ALX4: variants seen among roughly 807,000 people sequenced by gnomAD.
ALX4 encodes the protein homeobox protein aristaless-like 4.
Under a neutral mutation model 40.6 loss-of-function variants are expected in ALX4, and 22 were observed. That is an observed-to-expected ratio of 0.54 (90% CI 0.39 to 0.77). The LOEUF (loss-of-function observed/expected upper bound fraction) is 0.77. Among genes scored for constraint, ALX4 ranks in the 30% least tolerant of loss-of-function variants. ALX4 has a pLI of 0.00. For synonymous variants in ALX4, 266 were observed against 240.5 expected, an observed-to-expected ratio of 1.11 and a Z score of -0.98; for missense variants, 556 against 564.8, an observed-to-expected ratio of 0.98 and a Z score of 0.16.
intron 2 of ALX4, among the ~76,000 whole-genome samples, chr11:44,268,224 G>T (rs1478464878): frequency 1.3e-5 from 2 of 152,230 alleles, no homozygotes; most frequent in Non-Finnish European, 2.9e-5. Context: ...CTGGAGGAGG[G>T]ACAGGAGCTG....
At chr11:44,279,225 G>A (rs77473392) in intron 1 of ALX4, among the ~76,000 whole-genome samples, 2,110 of 152,252 alleles carry the variant, frequency 0.014, 47 homozygotes, top group African/African-American at 0.048. Flanking sequence ...TGTAGGTCTG[G>A]TTCACTGATT....
intron 1 of ALX4, 71 bp downstream of exon 1, chr11:44,309,526 C>T: frequency 6.6e-7 from 1 of 1,526,358 alleles, no homozygotes; most frequent in Admixed American, 2.0e-5. Flanking sequence ...CCGCAAGCCA[C>T]CAGTTTCAAG....
At chr11:44,272,748 G>C (rs959499167) in intron 2 of ALX4, among the ~76,000 whole-genome samples, 1 of 151,990 alleles carries the variant, frequency 6.6e-6, no homozygotes, top group Non-Finnish European at 1.5e-5. Context: ...GGTGGAGGCC[G>C]CAGTGAGCCA....
intron 1 of ALX4, among the ~76,000 whole-genome samples, chr11:44,306,723 G>A (rs962620095): frequency 3.9e-5 from 6 of 152,214 alleles, no homozygotes; most frequent in African/African-American, 1.4e-4. Context: ...TCTCACAACT[G>A]TGGGAGAGAA....
chr11:44,304,085 A>G (rs1263948619), intron 1 of ALX4, among the ~76,000 whole-genome samples: 1 of 151,822 alleles, frequency 6.6e-6, no homozygotes, highest in African/African-American at 2.4e-5. Context: ...GCTGCTTCTC[A>G]CCTGTCTAGT....
chr11:44,276,397 C>T (rs1482416210), intron 1 of ALX4, among the ~76,000 whole-genome samples: 1 of 152,256 alleles, frequency 6.6e-6, no homozygotes, highest in African/African-American at 2.4e-5. Flanking sequence ...TCATCCCCAG[C>T]ACGCTGACCC....
At chr11:44,306,042 AT>A (rs1956465601) in intron 1 of ALX4, among the ~76,000 whole-genome samples, 1 of 152,218 alleles carries the variant, frequency 6.6e-6, no homozygotes, top group East Asian at 1.9e-4. Context: ...CCAACCCGAC[AT>A]GTCTCCTGTG....
intron 1 of ALX4, among the ~76,000 whole-genome samples, chr11:44,305,326 C>G (rs2119907645): frequency 6.6e-6 from 1 of 152,306 alleles, no homozygotes; most frequent in African/African-American, 2.4e-5. Context: ...TATTTAACAA[C>G]TTTTGTGTTT....
At chr11:44,306,859 T>C (rs1218368021) in intron 1 of ALX4, among the ~76,000 whole-genome samples, 1 of 152,146 alleles carries the variant, frequency 6.6e-6, no homozygotes, top group African/African-American at 2.4e-5. Flanking sequence ...AGTTTCTCCA[T>C]CTTAGACCTA....
In ALX4 at chr11:44,263,214, C is replaced by G. The variant is rs564454698; in HGVS notation, c.*1640G>C. On this transcript the variant is annotated 3_prime_UTR_variant, in exon 4 of 4. Coordinates refer to ENST00000652299, the MANE Select transcript of ALX4 (RefSeq NM_021926.4). The stretch of plus-strand genomic sequence containing the variant: ...CCTGAGCATAGTGGGCCTGGCCCTA[C>G]TCCATGACAGGAATCAAGGGAGAAG... 1 of 152,306 alleles carries G rather than the reference C, an allele frequency of 6.6e-6. No homozygotes were observed. The highest frequency in any genetic ancestry group is 1.5e-5 in the Non-Finnish European group (1 of 68,104). 9.4% of individuals were successfully genotyped at this position (152,306 alleles called of 1,614,324 possible).
chr11:44,292,175 T>C (rs1352138684), intron 1 of ALX4, among the ~76,000 whole-genome samples: 1 of 152,124 alleles, frequency 6.6e-6, no homozygotes, highest in African/African-American at 2.4e-5. Context: ...AACAAGGCTT[T>C]TCTCCCCTTG....
Position 44,309,717 on chromosome 11 carries a change from G to A in ALX4, c.346C>T (p.Pro116Ser). Residue 116 changes from proline to serine, a missense_variant, in exon 1 of 4, where the codon CCG (proline) becomes TCG (serine). Transcript: ENST00000652299. ...QPQQQQPQPQ[P>S]PAQPHLYLQR... ...AAGTAAAGATGCGGTTGCGCGGGCG[G>A]CTGGGGCTGCGGCTGCTGCTGCTGC... 1 of 1,570,152 alleles carries A rather than the reference G, an allele frequency of 6.4e-7. No individual in the cohort carries two copies. The highest frequency in any genetic ancestry group is 8.6e-7 in the Non-Finnish European group (1 of 1,159,758).
intron 2 of ALX4, among the ~76,000 whole-genome samples, chr11:44,268,544 T>A (rs1956226538): frequency 1.3e-5 from 2 of 152,140 alleles, no homozygotes; most frequent in African/African-American, 4.8e-5. Context: ...AGGGGAGGTC[T>A]CTGAGTCAGC....
Position 44,265,108 on chromosome 11 carries a change from C to T in ALX4, c.982G>A (p.Val328Met), listed in dbSNP as rs1458389067. 6.2e-7 allele frequency: 1 copy of T among 1,612,352 alleles called. No homozygotes were observed. Among genetic ancestry groups the T allele is most frequent in the Non-Finnish European group, 8.5e-7 (1 of 1,179,614 alleles). ...VPACVVPCDP[V>M]PACMSPHAHP... Reference sequence around the variant, plus strand: ...GCATGAGGGGACATGCAGGCAGGCACCGGGTCGCAGGGGACCACGCAGGCT... The same window carrying T: ...GCATGAGGGGACATGCAGGCAGGCATCGGGTCGCAGGGGACCACGCAGGCT... Residue 328 changes from valine (V) to methionine (M), a missense_variant, in exon 4 of 4, where the codon GTG (valine) becomes ATG (methionine). Physicochemically the swap from Val to Met is conservative, Grantham distance 21. Transcript: ENST00000652299.
rs147197096 is a variant in ALX4, at chr11:44,275,917, G to A, written c.467-259C>T. On this transcript the variant is annotated intron_variant, in intron 1 of 3. Transcript: ENST00000652299. ...AGGTCCCTTCCAGCAACAATGTTATGTGAACCTAAGGCAGCCAATCTGACC... is the reference window on the plus strand; with the variant it reads ...AGGTCCCTTCCAGCAACAATGTTATATGAACCTAAGGCAGCCAATCTGACC... Among the ~76,000 whole-genome samples the A allele has an allele frequency of 9.7e-3, 1,483 of 152,286 alleles. 19 individuals carry two copies. Among genetic ancestry groups the A allele is most frequent in the Non-Finnish European group, 9.1e-3 (618 of 68,024 alleles).
At position 44,291,472 on chromosome 11, in the gene ALX4, G is replaced by A. The variant is rs958447854; in HGVS notation, c.467-15814C>T. On this transcript the variant is annotated intron_variant, in intron 1 of 3. Coordinates refer to ENST00000652299, the MANE Select transcript of ALX4 (RefSeq NM_021926.4). ...TGCCCAGGCTGAAGTGCAGTGGTGC[G>A]ATCTCGGCTCACTGCAACCTCCGCC... Among the ~76,000 whole-genome samples, 5 of 151,664 alleles carry A rather than the reference G, an allele frequency of 3.3e-5. No homozygotes were observed. In the East Asian group the frequency reaches 5.8e-4, roughly 18 times the overall value.
chr11:44,271,113 C>A (rs1233792825), intron 2 of ALX4, among the ~76,000 whole-genome samples: 1 of 151,612 alleles, frequency 6.6e-6, no homozygotes, highest in African/African-American at 2.4e-5. Flanking sequence ...GGGCCCTGAA[C>A]AAACACAGCA....
chr11:44,290,795 G>A (rs916236598), intron 1 of ALX4, among the ~76,000 whole-genome samples: 3 of 152,202 alleles, frequency 2.0e-5, no homozygotes, highest in Non-Finnish European at 2.9e-5. Flanking sequence ...TTCCTCATCT[G>A]TAAGATGAGG....
intron 1 of ALX4, among the ~76,000 whole-genome samples, chr11:44,297,986 G>A (rs1956413130): frequency 1.3e-5 from 2 of 152,164 alleles, no homozygotes; most frequent in Non-Finnish European, 2.9e-5. Flanking sequence ...CCTTCCCTGG[G>A]GATTCCCATG....
Sources: allele counts gnomAD v4.1 joint callset (sites outside exome capture counted in the v4.1 genomes callset), GRCh38; gene constraint gnomAD v4.1.1; transcripts MANE v1.5; gene names NCBI Gene and HGNC (gene_info 2026-07-23, HGNC 2026-07-21).